Variants in PRLR observed in about 807,000 individuals in gnomAD.
PRLR encodes hPRL receptor.
A neutral mutation model predicts 40.2 loss-of-function variants in PRLR; 13 were observed. The ratio of observed to expected loss-of-function variants is 0.32; its 90% CI spans 0.21 to 0.51. PRLR has a LOEUF of 0.51. PRLR is among the 20% of genes least tolerant of loss of function. The pLI is 0.97. For synonymous variants in PRLR, 269 were observed against 278.7 expected, an observed-to-expected ratio of 0.97 and a Z score of 0.35; for missense variants, 656 against 747.3, an observed-to-expected ratio of 0.88 and a Z score of 1.42.
At chr5:35,182,524 A>C (rs2111981341) in intron 1 of PRLR, among the ~76,000 whole-genome samples, 2 of 152,348 alleles carry the variant, frequency 1.3e-5, no homozygotes, top group South Asian at 4.1e-4. Context: ...GCATGAAATA[A>C]GCTCATTCTG....
intron 1 of PRLR, among the ~76,000 whole-genome samples, chr5:35,225,789 T>C (rs1193489260): frequency 6.6e-6 from 1 of 152,108 alleles, no homozygotes; most frequent in Non-Finnish European, 1.5e-5. Context: ...TCAAGAGACT[T>C]TCCTGCCTCA....
chr5:35,117,213 C>T (rs568508144), intron 2 of PRLR, among the ~76,000 whole-genome samples: 33 of 152,334 alleles, frequency 2.2e-4, no homozygotes, highest in African/African-American at 7.7e-4. Context: ...ACCAAAGCGG[C>T]ATGATGGCTC....
chr5:35,194,439 C>T (rs1239330104), intron 1 of PRLR, among the ~76,000 whole-genome samples: 1 of 152,234 alleles, frequency 6.6e-6, no homozygotes, highest in Non-Finnish European at 1.5e-5. Context: ...CCAAAACCTT[C>T]CTGCTCTTGC....
chr5:35,081,745 ATAT>A (rs1770531307), intron 5 of PRLR: 1 of 152,446 alleles, frequency 6.6e-6, no homozygotes, highest in African/African-American at 2.4e-5. Context: ...TTACCTTCAA[ATAT>A]TATAATGCTT....
At chr5:35,228,440 C>T (rs1356708894) in intron 1 of PRLR, among the ~76,000 whole-genome samples, 3 of 152,244 alleles carry the variant, frequency 2.0e-5, no homozygotes, top group East Asian at 3.9e-4. Flanking sequence ...GTCCTTAGTC[C>T]TCTAAAGGCA....
At chr5:35,210,322 T>C (rs1305466591) in intron 1 of PRLR, among the ~76,000 whole-genome samples, 1 of 152,220 alleles carries the variant, frequency 6.6e-6, no homozygotes, top group Non-Finnish European at 1.5e-5. Context: ...TATTATTCCC[T>C]TAGCCTCCAG....
intron 1 of PRLR, among the ~76,000 whole-genome samples, chr5:35,129,858 T>G (rs1773604641): frequency 6.6e-6 from 1 of 152,046 alleles, no homozygotes; most frequent in African/African-American, 2.4e-5. Context: ...GCTATCCCCT[T>G]GAAGGACCTA....
chr5:35,067,920 T>G (rs950017267), intron 9 of PRLR, among the ~76,000 whole-genome samples: 1 of 152,252 alleles, frequency 6.6e-6, no homozygotes, highest in African/African-American at 2.4e-5. Flanking sequence ...CTTTCTAAAT[T>G]GATTATTTGT....
chr5:35,121,301 T>G (rs185441566), intron 1 of PRLR, among the ~76,000 whole-genome samples: 3 of 152,336 alleles, frequency 2.0e-5, no homozygotes, highest in Non-Finnish European at 4.4e-5. Flanking sequence ...TGCCTCACAT[T>G]TCTGTATCTT....
chr5:35,137,385 A>G (rs1773892799), intron 1 of PRLR, among the ~76,000 whole-genome samples: 1 of 152,164 alleles, frequency 6.6e-6, no homozygotes, highest in Non-Finnish European at 1.5e-5. Flanking sequence ...CCAAACAGAA[A>G]AGAGATAAGA....
intron 2 of PRLR, among the ~76,000 whole-genome samples, chr5:35,105,643 A>G (rs1772189504): frequency 6.6e-6 from 1 of 152,198 alleles, no homozygotes; most frequent in Admixed American, 6.5e-5. Context: ...CTGAAGATCA[A>G]ATGAATGAAA....
Position 35,089,593 on chromosome 5 carries a change from C to G in PRLR, c.28G>C (p.Val10Leu), listed in dbSNP as rs760520393. MKENVASAT[V>L]FTLLLFLNTC... ...TTGAGAAAAAGTAGCAGAGTGAAAA[C>G]GGTTGCAGATGCCACATTTTCCTTC... Residue 10 changes from valine to leucine, a missense_variant, in exon 3 of 10, where the codon GTT (valine) becomes CTT (leucine). This residue lies in a region of PRLR where 180 missense variants were observed against 236.8 expected (regional missense o/e 0.76). Transcript: ENST00000618457. 6.2e-7 allele frequency: 1 copy of G among 1,614,000 alleles called. No individual in the cohort carries two copies. Among genetic ancestry groups the G allele is most frequent in the African/African-American group, 1.3e-5 (1 of 75,034 alleles).
chr5:35,129,669 A>ATTT (rs398050398), intron 1 of PRLR, among the ~76,000 whole-genome samples: 58 of 146,798 alleles, frequency 4.0e-4, no homozygotes, highest in African/African-American at 1.3e-3. Flanking sequence ...ACTGTAATCA[A>ATTT]TTTTTTTTTT....
intron 1 of PRLR, among the ~76,000 whole-genome samples, chr5:35,194,356 G>A (rs1009756947): frequency 5.9e-5 from 9 of 152,202 alleles, no homozygotes; most frequent in East Asian, 3.8e-4. Flanking sequence ...CTCACTGAGC[G>A]TTGGTTACAA....
chr5:35,094,649 T>A (rs757589208), intron 2 of PRLR, among the ~76,000 whole-genome samples: 2 of 152,196 alleles, frequency 1.3e-5, no homozygotes, highest in African/African-American at 2.4e-5. Flanking sequence ...AAACAAATTT[T>A]GAATACATTC....
chr5:35,112,554 G>A (rs1772727175), intron 2 of PRLR, among the ~76,000 whole-genome samples: 1 of 152,120 alleles, frequency 6.6e-6, no homozygotes, highest in Non-Finnish European at 1.5e-5. Context: ...AGGTGGGCTA[G>A]GGGAGGGAAA....
intron 6 of PRLR, 64 bp from the exon 7 acceptor site, chr5:35,070,329 C>T: frequency 6.4e-7 from 1 of 1,568,424 alleles, no homozygotes; most frequent in Non-Finnish European, 8.7e-7. Flanking sequence ...GAGAGTTTTC[C>T]CCTAAAAAAT....
chr5:35,066,459 G>T (rs979319039), intron 9 of PRLR, among the ~76,000 whole-genome samples: 2 of 152,194 alleles, frequency 1.3e-5, no homozygotes, highest in African/African-American at 4.8e-5. Context: ...CCCACTGGCA[G>T]AGGTGTGGTT....
At chr5:35,197,504 G>A (rs1315818661) in intron 1 of PRLR, among the ~76,000 whole-genome samples, 1 of 152,216 alleles carries the variant, frequency 6.6e-6, no homozygotes, top group African/African-American at 2.4e-5. Context: ...AGCTCAGCCA[G>A]ATGTCATTCT....
Sources: allele counts gnomAD v4.1 joint callset (sites outside exome capture counted in the v4.1 genomes callset), GRCh38; gene constraint gnomAD v4.1.1; regional missense constraint gnomAD v4.1.1; transcripts MANE v1.5; gene names NCBI Gene and HGNC (gene_info 2026-07-23, HGNC 2026-07-21).